Variants in DYM observed in about 807,000 individuals in gnomAD.
DYM encodes dyggve-Melchior-Clausen syndrome protein.
Under a neutral mutation model 93.1 loss-of-function variants are expected in DYM, and 78 were observed. The observed-to-expected ratio is 0.84, with a 90% CI of 0.70 to 1.01. The LOEUF is 1.01. Ranked by LOEUF, DYM falls within the 50% of genes least tolerant of loss-of-function variation. The pLI is 0.00. For missense variants in DYM, 789 were observed against 845.0 expected, an observed-to-expected ratio of 0.93 and a Z score of 0.82; for synonymous variants, 321 against 319.7, an observed-to-expected ratio of 1.00 and a Z score of -0.04.
At chr18:49,418,583 T>C (rs1325272752) in intron 2 of DYM, among the ~76,000 whole-genome samples, 1 of 152,218 alleles carries the variant, frequency 6.6e-6, no homozygotes, top group African/African-American at 2.4e-5. Flanking sequence ...AAAGGCCTTA[T>C]TAGTATTTCT....
At chr18:49,145,125 ATATATATAT>A (rs201741274) in intron 15 of DYM, among the ~76,000 whole-genome samples, 2,094 of 114,502 alleles carry the variant, frequency 0.018, 196 homozygotes, top group African/African-American at 0.059. Context: ...ATATATATAT[ATATATATAT>A]AATTTATATA....
At chr18:49,094,438 A>C (rs1250782869) in intron 17 of DYM, among the ~76,000 whole-genome samples, 1 of 152,162 alleles carries the variant, frequency 6.6e-6, no homozygotes, top group Non-Finnish European at 1.5e-5. Flanking sequence ...GAAATAAGTG[A>C]CTCAGGATTT....
intron 1 of DYM, among the ~76,000 whole-genome samples, chr18:49,441,515 A>T (rs548150360): frequency 5.4e-4 from 81 of 148,936 alleles, no homozygotes; most frequent in Non-Finnish European, 1.1e-3. Context: ...ATGAGTCCAC[A>T]AGTAATAGAA....
intron 1 of DYM, among the ~76,000 whole-genome samples, chr18:49,442,667 CAAT>C (rs145185363): frequency 1.3e-5 from 2 of 151,912 alleles, no homozygotes; most frequent in African/African-American, 4.8e-5. Context: ...AAAACAGTAA[CAAT>C]AATACCAAAC....
At position 49,235,970 on chromosome 18, in the gene DYM, G is replaced by A. The variant is rs536249678; in HGVS notation, c.1460+21040C>T. Among the ~76,000 whole-genome samples the A allele has an allele frequency of 1.5e-4, 23 of 152,108 alleles. 1 individual carries two copies. The highest frequency in any genetic ancestry group is 2.6e-4 in the Non-Finnish European group (18 of 67,970). On this transcript the variant is annotated intron_variant, in intron 13 of 17. Coordinates refer to ENST00000675505, the MANE Select transcript of DYM (RefSeq NM_001353214.3). ...TTCAATTCTCATTTTAATATGAAAC[G>A]TTTGATTTCTAGCTACACAAGGAGT...
chr18:49,088,366 T>C (rs939341464), intron 17 of DYM, among the ~76,000 whole-genome samples: 2 of 152,140 alleles, frequency 1.3e-5, no homozygotes, highest in South Asian at 2.1e-4. Context: ...ATTTATTAAA[T>C]AGGGAATCCT....
At chr18:49,435,853 A>G (rs937414313) in intron 1 of DYM, among the ~76,000 whole-genome samples, 1 of 152,196 alleles carries the variant, frequency 6.6e-6, no homozygotes, top group African/African-American at 2.4e-5. Flanking sequence ...CCAACAAATC[A>G]GACTAATAGG....
chr18:49,047,221 C>T (rs2071709909), intron 17 of DYM, among the ~76,000 whole-genome samples: 1 of 152,214 alleles, frequency 6.6e-6, no homozygotes. Flanking sequence ...CTCCCCACAC[C>T]CTGCACCCCC....
intron 2 of DYM, among the ~76,000 whole-genome samples, chr18:49,409,343 T>C (rs1279960267): frequency 6.6e-6 from 1 of 151,652 alleles, no homozygotes; most frequent in Non-Finnish European, 1.5e-5. Context: ...TAAAAAATTC[T>C]GGATTATATT....
chr18:49,206,811 T>C (rs1480308918), intron 14 of DYM, among the ~76,000 whole-genome samples: 1 of 152,038 alleles, frequency 6.6e-6, no homozygotes, highest in Non-Finnish European at 1.5e-5. Flanking sequence ...AAATACCCCC[T>C]GGAGGCTTCA....
At chr18:49,320,893 A>C (rs185374568) in intron 8 of DYM, among the ~76,000 whole-genome samples, 1 of 152,338 alleles carries the variant, frequency 6.6e-6, no homozygotes, top group East Asian at 1.9e-4. Context: ...AAACTACACA[A>C]GCTATAGTTT....
Position 49,392,681 on chromosome 18 carries a change from TAAAAAAAAAAA to T in DYM, c.141-1047_141-1037del, listed in dbSNP as rs869086187. On this transcript the variant is annotated intron_variant, in intron 2 of 17. Coordinates refer to ENST00000675505, the MANE Select transcript of DYM (RefSeq NM_001353214.3). ...CACACCCATTGGGATGGCTTTTATT[TAAAAAAAAAAA>T]AAAAAAAAAAAAAAAAAAGAGGCCA... is the stretch of plus-strand genomic sequence containing the variant. Among the ~76,000 whole-genome samples the T allele has an allele frequency of 7.3e-4, 50 of 68,502 alleles. 1 individual carries two copies. Among genetic ancestry groups the T allele is most frequent in the African/African-American group, 2.0e-3 (30 of 15,050 alleles). The allele number at this position is 68,502 out of a possible 152,430, so 44.9% of individuals were successfully genotyped here. A position where few individuals can be genotyped will look rare whatever the true frequency, so the allele number is the denominator to read the frequency against.
chr18:49,199,448 A>G (rs2091820520), intron 14 of DYM, among the ~76,000 whole-genome samples: 1 of 152,210 alleles, frequency 6.6e-6, no homozygotes, highest in Non-Finnish European at 1.5e-5. Context: ...TCCTATTTTG[A>G]CTTATACTGC....
chr18:49,152,922 A>C (rs114944164), intron 15 of DYM, among the ~76,000 whole-genome samples: 176 of 152,276 alleles, frequency 1.2e-3, no homozygotes, highest in African/African-American at 3.9e-3. Context: ...AAAAAGTCAA[A>C]ATCATAGAAT....
chr18:49,396,723 A>G (rs916222727), intron 2 of DYM, among the ~76,000 whole-genome samples: 7 of 152,212 alleles, frequency 4.6e-5, no homozygotes, highest in Non-Finnish European at 1.0e-4. Flanking sequence ...CATATACACA[A>G]TGGAATACTA....
chr18:49,238,699 G>T (rs1308537473), intron 13 of DYM, among the ~76,000 whole-genome samples: 1 of 151,672 alleles, frequency 6.6e-6, no homozygotes, highest in Non-Finnish European at 1.5e-5. Context: ...ATTTCCTCCA[G>T]CTGAATCGCT....
At chr18:49,121,614 T>C (rs1174957313) in intron 15 of DYM, among the ~76,000 whole-genome samples, 2 of 151,962 alleles carry the variant, frequency 1.3e-5, no homozygotes, top group African/African-American at 4.8e-5. Flanking sequence ...CTTAGATCCA[T>C]CAAATTCAAA....
intron 10 of DYM, among the ~76,000 whole-genome samples, chr18:49,274,913 T>C (rs1278707626): frequency 2.0e-5 from 3 of 152,174 alleles, no homozygotes; most frequent in Non-Finnish European, 4.4e-5. Context: ...GCAAATATCT[T>C]CTCACATTTT....
At chr18:49,104,520 G>A (rs532478161) in intron 16 of DYM, among the ~76,000 whole-genome samples, 54 of 152,234 alleles carry the variant, frequency 3.5e-4, no homozygotes, top group Non-Finnish European at 6.6e-4. Context: ...TCCAGTTTTT[G>A]CCCATTCAGT....
Sources: allele counts gnomAD v4.1 joint callset (sites outside exome capture counted in the v4.1 genomes callset), GRCh38; gene constraint gnomAD v4.1.1; transcripts MANE v1.5; gene names NCBI Gene and HGNC (gene_info 2026-07-23, HGNC 2026-07-21).